The following LCLAT1 variants were observed in gnomAD, a reference collection of about 807,000 sequenced individuals.
LCLAT1 encodes the protein lysocardiolipin acyltransferase 1, also known as 1-AGP acyltransferase 8.
LCLAT1 carries 11 observed loss-of-function variants against 30.7 expected under a neutral mutation model. The observed-to-expected ratio is 0.36, with a 90% CI of 0.23 to 0.59. LCLAT1 has a LOEUF of 0.59. Ranked by LOEUF, LCLAT1 falls within the 20% of genes least tolerant of loss-of-function variation. The probability of loss-of-function intolerance (pLI) is 0.77; values close to 1 mark genes in which losing one functional copy is unlikely to be tolerated. For synonymous variants in LCLAT1, 155 were observed against 151.3 expected (o/e 1.02, Z -0.18); for missense variants, 402 against 458.6 (o/e 0.88, Z 1.13).
intron 5 of LCLAT1, among the ~76,000 whole-genome samples, chr2:30,609,721 G>A (rs1667640462): frequency 6.6e-6 from 1 of 152,084 alleles, no homozygotes. Context: ...AACTCATAGT[G>A]TTCATTCTCT....
intron 5 of LCLAT1, among the ~76,000 whole-genome samples, chr2:30,619,119 T>C (rs1235926408): frequency 6.6e-6 from 1 of 152,172 alleles, no homozygotes; most frequent in Non-Finnish European, 1.5e-5. Context: ...ACGTAATCCC[T>C]GGTTGAGCAT....
chr2:30,639,728 T>C (rs1036604763), intron 5 of LCLAT1, among the ~76,000 whole-genome samples: 1 of 152,250 alleles, frequency 6.6e-6, no homozygotes, highest in African/African-American at 2.4e-5. Context: ...AAGTCTACTT[T>C]TATTTGGAGA....
chr2:30,546,602 A>T (rs1286185947), intron 3 of LCLAT1, among the ~76,000 whole-genome samples: 3 of 152,204 alleles, frequency 2.0e-5, no homozygotes, highest in Non-Finnish European at 2.9e-5. Flanking sequence ...GTGTAAATAA[A>T]TGTGCCATTG....
At chr2:30,473,310 A>G (rs1215852787) in intron 1 of LCLAT1, among the ~76,000 whole-genome samples, 4 of 152,136 alleles carry the variant, frequency 2.6e-5, no homozygotes, top group Non-Finnish European at 4.4e-5. Context: ...GGCGGGTTGT[A>G]TGCTTCTTAT....
chr2:30,489,356 T>C (rs1347122038), intron 1 of LCLAT1: 2 of 50,648 alleles, frequency 3.9e-5, no homozygotes, highest in Non-Finnish European at 7.5e-5. Flanking sequence ...TTTCTTTCTT[T>C]CTTTTTTTTT....
chr2:30,599,494 CT>C (rs1360420218), intron 5 of LCLAT1, among the ~76,000 whole-genome samples: 1 of 152,172 alleles, frequency 6.6e-6, no homozygotes, highest in African/African-American at 2.4e-5. Context: ...TCCACTTGAT[CT>C]AGAGCTGAAT....
intron 5 of LCLAT1, among the ~76,000 whole-genome samples, chr2:30,621,495 C>T (rs945612781): frequency 6.6e-6 from 1 of 152,152 alleles, no homozygotes; most frequent in Non-Finnish European, 1.5e-5. Flanking sequence ...TGTAGAGACT[C>T]ACATCGTGGG....
At chr2:30,601,472 C>A (rs78850926) in intron 5 of LCLAT1, among the ~76,000 whole-genome samples, 1 of 152,052 alleles carries the variant, frequency 6.6e-6, no homozygotes. Flanking sequence ...GGTAAAACAA[C>A]GAAGCAGAAC....
chr2:30,558,721 T>C (rs1288914322), intron 3 of LCLAT1, among the ~76,000 whole-genome samples: 1 of 151,104 alleles, frequency 6.6e-6, no homozygotes, highest in Non-Finnish European at 1.5e-5. Context: ...TCGGGGAAAA[T>C]ATAGATAGAG....
At chr2:30,477,252 C>T (rs1253980220) in intron 1 of LCLAT1, among the ~76,000 whole-genome samples, 1 of 152,108 alleles carries the variant, frequency 6.6e-6, no homozygotes, top group East Asian at 1.9e-4. Flanking sequence ...AAATAGAAAT[C>T]GATTTCTCCA....
In LCLAT1 at chr2:30,555,246, G is replaced by A. The variant is rs190629252; in HGVS notation, c.365-6900G>A. On this transcript the variant is annotated intron_variant, in intron 3 of 5. Transcript: ENST00000379509. ...TCTCAGTGGAAAATGATTTGGAACC[G>A]CAAAATGCTGTTTTTAGCCAAACTA... 3.3e-5 allele frequency among the ~76,000 whole-genome samples: 5 copies of A among 152,134 alleles called. No homozygotes were observed. The East Asian group carries it at 9.6e-4, about 29-fold the overall frequency.
intron 5 of LCLAT1, among the ~76,000 whole-genome samples, chr2:30,583,271 A>G (rs1666282770): frequency 6.6e-6 from 1 of 152,184 alleles, no homozygotes; most frequent in South Asian, 2.1e-4. Context: ...CTCTTTTGCT[A>G]TCTTGGGAAT....
intron 1 of LCLAT1, among the ~76,000 whole-genome samples, chr2:30,494,953 A>ATTTTTTTTT (rs563456939): frequency 7.3e-6 from 1 of 137,918 alleles, no homozygotes; most frequent in Non-Finnish European, 1.6e-5. Flanking sequence ...ATGAAGTGTG[A>ATTTTTTTTT]TTTTTTTTTT....
intron 1 of LCLAT1, among the ~76,000 whole-genome samples, chr2:30,466,464 C>G (rs954322275): frequency 1.3e-5 from 2 of 152,026 alleles, no homozygotes; most frequent in Non-Finnish European, 2.9e-5. Flanking sequence ...TTTTTAATCA[C>G]ACCTTTTATT....
At chr2:30,610,407 T>G (rs970477540) in intron 5 of LCLAT1, among the ~76,000 whole-genome samples, 1 of 152,178 alleles carries the variant, frequency 6.6e-6, no homozygotes, top group Non-Finnish European at 1.5e-5. Flanking sequence ...TCATTAAATC[T>G]CCTTCTGATT....
chr2:30,515,290 TCA>T (rs1357423698), intron 1 of LCLAT1, among the ~76,000 whole-genome samples: 2 of 152,218 alleles, frequency 1.3e-5, no homozygotes, highest in Admixed American at 6.5e-5. Flanking sequence ...ACAGCATGTA[TCA>T]CAGTGAATTG....
At chr2:30,451,944 A>C (rs1041559078) in intron 1 of LCLAT1, among the ~76,000 whole-genome samples, 4 of 152,280 alleles carry the variant, frequency 2.6e-5, no homozygotes, top group Admixed American at 6.5e-5. Context: ...ATATGTATCA[A>C]CATGGATGTA....
chr2:30,457,879 A>G (rs1026145334), intron 1 of LCLAT1, among the ~76,000 whole-genome samples: 1 of 152,178 alleles, frequency 6.6e-6, no homozygotes, highest in Non-Finnish European at 1.5e-5. Flanking sequence ...AGGAATTTAT[A>G]GTATTATTTT....
chr2:30,634,574 G>C (rs778834186), intron 5 of LCLAT1, among the ~76,000 whole-genome samples: 1 of 152,112 alleles, frequency 6.6e-6, no homozygotes, highest in Non-Finnish European at 1.5e-5. Context: ...GCAGTGAGCC[G>C]GCGACAAGCG....
Sources: gnomAD v4.1 joint callset for allele counts (sites outside exome capture counted in the v4.1 genomes callset) on GRCh38, gnomAD v4.1.1 for gene constraint, MANE v1.5 for transcripts, NCBI Gene and HGNC (gene_info 2026-07-23, HGNC 2026-07-21) for gene names.